DOK5: variants seen among roughly 807,000 people sequenced by gnomAD.
The protein encoded by DOK5 is downstream of tyrosine kinase 5.
In DOK5, 27 loss-of-function variants were observed where a neutral mutation model predicts 43.3. The ratio of observed to expected loss-of-function variants is 0.62; its 90% confidence interval spans 0.46 to 0.86. The LOEUF is 0.86. DOK5 is among the 40% of genes least tolerant of loss of function. The probability of loss-of-function intolerance (pLI) is 0.00; values close to 1 mark genes in which losing one functional copy is unlikely to be tolerated. For missense variants in DOK5, 373 were observed against 392.9 expected (o/e 0.95, Z 0.43); for synonymous variants, 146 against 140.1 (o/e 1.04, Z -0.30).
At chr20:54,593,499 T>C (rs1986042939) in intron 5 of DOK5, among the ~76,000 whole-genome samples, 2 of 152,186 alleles carry the variant, frequency 1.3e-5, no homozygotes, top group Admixed American at 1.3e-4. Flanking sequence ...AGCAATGTTC[T>C]TATTTTGTGA....
chr20:54,604,885 C>T (rs928079253), intron 5 of DOK5, among the ~76,000 whole-genome samples: 1 of 151,842 alleles, frequency 6.6e-6, no homozygotes, highest in Non-Finnish European at 1.5e-5. Context: ...CCTGTAATCC[C>T]AGCTACTTAG....
intron 1 of DOK5, among the ~76,000 whole-genome samples, chr20:54,484,658 C>A (rs1184555681): frequency 1.3e-5 from 2 of 152,182 alleles, no homozygotes; most frequent in African/African-American, 2.4e-5. Context: ...TCCTCCATAT[C>A]CCTAATCCCC....
chr20:54,478,365 T>C (rs2146652556), intron 1 of DOK5, among the ~76,000 whole-genome samples: 1 of 152,324 alleles, frequency 6.6e-6, no homozygotes, highest in Admixed American at 6.5e-5. Context: ...AGGCTACATA[T>C]AGTCTAGAAC....
In DOK5 at chr20:54,591,674, C is replaced by T; in HGVS notation, c.468C>T (p.Ala156=). The T allele has an allele frequency of 2.5e-6, 4 of 1,613,742 alleles. No individual in the cohort carries two copies. The highest frequency in any genetic ancestry group is 3.4e-6 in the Non-Finnish European group (4 of 1,179,870). Residue 156 remains alanine, a synonymous_variant, in exon 5 of 8, where the codon GCC becomes GCT. Coordinates refer to ENST00000262593, the MANE Select transcript of DOK5 (RefSeq NM_018431.5). Reference sequence around the variant, plus strand: ...ACTTAGATGTACATGGCGAATGTGCCTTGCAGATTACATATGAGTATATCT... The same window carrying T: ...ACTTAGATGTACATGGCGAATGTGCTTTGCAGATTACATATGAGTATATCT... ...SPNLDVHGEC[A]LQITYEYICL...
chr20:54,489,915 G>A (rs1159364903), intron 1 of DOK5, among the ~76,000 whole-genome samples: 1 of 152,178 alleles, frequency 6.6e-6, no homozygotes, highest in Non-Finnish European at 1.5e-5. Context: ...TTTGGAGGAT[G>A]TTCTCCAGCA....
intron 2 of DOK5, among the ~76,000 whole-genome samples, chr20:54,566,199 C>T (rs181256638): frequency 2.3e-4 from 35 of 150,884 alleles, no homozygotes; most frequent in African/African-American, 7.8e-4. Flanking sequence ...GCCTTCTTCA[C>T]GCAACATAAC....
chr20:54,603,941 T>TTG (rs1491255938), intron 5 of DOK5, among the ~76,000 whole-genome samples: 12 of 64,916 alleles, frequency 1.8e-4, no homozygotes, highest in Non-Finnish European at 3.1e-4. Flanking sequence ...TCAAACTGTA[T>TTG]TTTTTTTTTT....
At chr20:54,639,678 T>G (rs934091023) in intron 6 of DOK5, among the ~76,000 whole-genome samples, 9 of 152,140 alleles carry the variant, frequency 5.9e-5, no homozygotes, top group African/African-American at 2.2e-4. Context: ...GTAATCCTTC[T>G]CTCCAAATAC....
At chr20:54,505,036 C>T (rs115479377) in intron 1 of DOK5, among the ~76,000 whole-genome samples, 347 of 152,184 alleles carry the variant, frequency 2.3e-3, no homozygotes, top group African/African-American at 8.0e-3. Flanking sequence ...CAAGTGGTGT[C>T]TCCTGGATCC....
intron 4 of DOK5, among the ~76,000 whole-genome samples, chr20:54,590,745 T>G (rs963914127): frequency 6.6e-6 from 1 of 152,166 alleles, no homozygotes; most frequent in African/African-American, 2.4e-5. Flanking sequence ...ACCACTAATA[T>G]AAAATTGTTA....
chr20:54,575,536 G>T (rs1280861698), intron 2 of DOK5, among the ~76,000 whole-genome samples: 5 of 152,112 alleles, frequency 3.3e-5, no homozygotes, highest in African/African-American at 7.2e-5. Context: ...CACTTCCCAG[G>T]TTCAAGTGAT....
At chr20:54,485,347 C>A (rs181161350) in intron 1 of DOK5, among the ~76,000 whole-genome samples, 1,458 of 142,662 alleles carry the variant, frequency 0.01, 28 homozygotes, top group African/African-American at 0.038. Context: ...GAGTAAGACT[C>A]CGTCTCAAAA....
chr20:54,598,814 T>C (rs2146779454), intron 5 of DOK5, among the ~76,000 whole-genome samples: 1 of 152,300 alleles, frequency 6.6e-6, no homozygotes, highest in Admixed American at 6.5e-5. Flanking sequence ...TCACAAGCGG[T>C]TTTTGAAAAA....
intron 7 of DOK5, among the ~76,000 whole-genome samples, chr20:54,646,250 T>TTTTTG (rs1979417190): frequency 3.0e-5 from 2 of 66,890 alleles, no homozygotes; most frequent in Non-Finnish European, 5.2e-5. Flanking sequence ...GTTATACTGT[T>TTTTTG]TTTTTTTTTT....
At chr20:54,548,366 G>T (rs1767435906) in intron 1 of DOK5, among the ~76,000 whole-genome samples, 1 of 151,900 alleles carries the variant, frequency 6.6e-6, no homozygotes, top group Non-Finnish European at 1.5e-5. Context: ...TTCCCAAGCA[G>T]CTGGGACTAC....
At chr20:54,493,559 C>G (rs112729177) in intron 1 of DOK5, among the ~76,000 whole-genome samples, 19 of 152,104 alleles carry the variant, frequency 1.2e-4, no homozygotes, top group African/African-American at 4.6e-4. Flanking sequence ...ACTTAAAAAC[C>G]CAATCCTTAG....
intron 1 of DOK5, among the ~76,000 whole-genome samples, chr20:54,501,050 T>G (rs1982578107): frequency 6.6e-6 from 1 of 152,194 alleles, no homozygotes; most frequent in African/African-American, 2.4e-5. Context: ...TTAGATTGTT[T>G]CCTTGGAATG....
At chr20:54,511,323 A>C (rs2426519) in intron 1 of DOK5, among the ~76,000 whole-genome samples, 12,722 of 152,216 alleles carry the variant, frequency 0.084, 1,174 homozygotes, top group Admixed American at 0.2. Context: ...AAAGTTATTG[A>C]CATTGCTTTG....
At chr20:54,638,144 C>A (rs991945785) in intron 6 of DOK5, among the ~76,000 whole-genome samples, 2 of 142,014 alleles carry the variant, frequency 1.4e-5, no homozygotes, top group African/African-American at 2.6e-5. Context: ...AAAAGATAAT[C>A]CCTACTTTTC....
Sources: gnomAD v4.1 joint callset for allele counts (sites outside exome capture counted in the v4.1 genomes callset) on GRCh38, gnomAD v4.1.1 for gene constraint, MANE v1.5 for transcripts, NCBI Gene and HGNC (gene_info 2026-07-23, HGNC 2026-07-21) for gene names.